CAMTA1: variants seen among roughly 807,000 people sequenced by gnomAD.
CAMTA1 encodes calmodulin-binding transcription activator 1.
Under a neutral mutation model 170.9 loss-of-function variants are expected in CAMTA1, and 27 were observed. The ratio of observed to expected loss-of-function variants is 0.16; its 90% CI spans 0.12 to 0.22. The LOEUF (loss-of-function observed/expected upper bound fraction) is 0.22. CAMTA1 is among the 10% of genes least tolerant of loss of function. The pLI is 1.00. For missense variants in CAMTA1, 1,619 were observed against 2,217.2 expected, an observed-to-expected ratio of 0.73 and a Z score of 5.42; for synonymous variants, 833 against 891.5, an observed-to-expected ratio of 0.93 and a Z score of 1.17.
intron 4 of CAMTA1, among the ~76,000 whole-genome samples, chr1:7,140,813 C>T (rs571295042): frequency 7.2e-5 from 11 of 152,216 alleles, no homozygotes; most frequent in African/African-American, 2.4e-4. Context: ...AACTTTATGT[C>T]GCTTGAAAAT....
At chr1:7,677,020 C>T (rs1259883395) in intron 10 of CAMTA1, among the ~76,000 whole-genome samples, 1 of 152,122 alleles carries the variant, frequency 6.6e-6, no homozygotes. Flanking sequence ...GCAACCTTCA[C>T]ATCAGCATCC....
Position 7,580,679 on chromosome 1 carries a change from C to T in CAMTA1, c.511-59721C>T. 6.6e-6 allele frequency among the ~76,000 whole-genome samples: 1 copy of T among 152,284 alleles called. No individual in the cohort carries two copies. The highest frequency in any genetic ancestry group is 2.1e-4 in the South Asian group (1 of 4,820). On this transcript the variant is annotated intron_variant, in intron 6 of 22. Coordinates refer to ENST00000303635, the MANE Select transcript of CAMTA1 (RefSeq NM_015215.4). The surrounding 1 kb of genome is among the most constrained non-coding windows in gnomAD (Gnocchi z 4.3). Reference sequence around the variant, plus strand: ...CCTGGGCACCTGGCCCCGAGGCTGGCTGTGCCCAGCACTGTGCAAAATCCC... The same window carrying T: ...CCTGGGCACCTGGCCCCGAGGCTGGTTGTGCCCAGCACTGTGCAAAATCCC...
intron 3 of CAMTA1, among the ~76,000 whole-genome samples, chr1:6,906,951 G>C (rs1678638842): frequency 6.6e-6 from 1 of 152,170 alleles, no homozygotes; most frequent in Non-Finnish European, 1.5e-5. Flanking sequence ...TGTAGAGGTG[G>C]GAGCTGTTGT....
intron 4 of CAMTA1, among the ~76,000 whole-genome samples, chr1:7,209,650 C>G (rs1013722602): frequency 6.6e-6 from 1 of 152,122 alleles, no homozygotes; most frequent in African/African-American, 2.4e-5. Flanking sequence ...CTCCACAGGT[C>G]GCAGTGGTTG....
At chr1:7,157,968 A>G (rs1259258047) in intron 4 of CAMTA1, among the ~76,000 whole-genome samples, 1 of 152,080 alleles carries the variant, frequency 6.6e-6, no homozygotes, top group Admixed American at 6.6e-5. Context: ...GACCATCCTG[A>G]CTAACACAGT....
At chr1:6,816,673 G>A (rs895489963) in intron 1 of CAMTA1, among the ~76,000 whole-genome samples, 2 of 152,212 alleles carry the variant, frequency 1.3e-5, no homozygotes, top group African/African-American at 4.8e-5. Flanking sequence ...TGTGGACACA[G>A]TGGCTCACTG....
intron 3 of CAMTA1, among the ~76,000 whole-genome samples, chr1:6,862,121 C>T (rs1664945287): frequency 6.6e-6 from 1 of 152,132 alleles, no homozygotes; most frequent in Non-Finnish European, 1.5e-5. Context: ...TGCCACAATG[C>T]CTGGCTACTT....
At chr1:6,818,246 A>C (rs1432756825) in intron 1 of CAMTA1, among the ~76,000 whole-genome samples, 1 of 152,188 alleles carries the variant, frequency 6.6e-6, no homozygotes, top group African/African-American at 2.4e-5. Context: ...CTGAGGCAGG[A>C]GAATCACTTG....
intron 3 of CAMTA1, among the ~76,000 whole-genome samples, chr1:6,876,285 T>C (rs979415815): frequency 1.3e-5 from 2 of 152,164 alleles, no homozygotes; most frequent in African/African-American, 2.4e-5. Context: ...GTCATCAGAC[T>C]GTGAGGTCCC....
intron 5 of CAMTA1, among the ~76,000 whole-genome samples, chr1:7,444,816 C>A (rs1198835290): frequency 2.0e-5 from 3 of 152,170 alleles, no homozygotes; most frequent in African/African-American, 7.2e-5. Flanking sequence ...ACAAAGAAAA[C>A]CAGACAACAC....
chr1:7,502,465 G>A (rs896736808), intron 6 of CAMTA1, among the ~76,000 whole-genome samples: 1 of 152,058 alleles, frequency 6.6e-6, no homozygotes, highest in African/African-American at 2.4e-5. Context: ...AATTCCAAGT[G>A]TTTGTTTGGT....
intron 7 of CAMTA1, among the ~76,000 whole-genome samples, chr1:7,655,093 CA>C (rs2095878813): frequency 7.1e-5 from 2 of 28,248 alleles, no homozygotes; most frequent in African/African-American, 3.3e-4. Flanking sequence ...CCCACCTATA[CA>C]CACACACCTA....
At chr1:6,785,665 G>T in intron 1 of CAMTA1, 90 bp downstream of exon 1, 1 of 530,866 alleles carries the variant, frequency 1.9e-6, no homozygotes, top group South Asian at 7.6e-5. Flanking sequence ...GCGGCGCCGG[G>T]CGGGAGCGCG....
At chr1:7,190,018 T>C (rs550100006) in intron 4 of CAMTA1, among the ~76,000 whole-genome samples, 1 of 152,240 alleles carries the variant, frequency 6.6e-6, no homozygotes, top group East Asian at 1.9e-4. Context: ...TTTTTCTAAG[T>C]GAAGTAACTC....
At chr1:7,504,493 C>T (rs576251516) in intron 6 of CAMTA1, among the ~76,000 whole-genome samples, 34 of 152,380 alleles carry the variant, frequency 2.2e-4, no homozygotes, top group African/African-American at 7.9e-4. Context: ...GTGGGCCTCA[C>T]AGGCCACCTG....
chr1:7,614,871 ATCAGGGCCCTTGCCCATCAGAT>A (rs2095548840), intron 6 of CAMTA1, among the ~76,000 whole-genome samples: 3 of 152,054 alleles, frequency 2.0e-5, no homozygotes, highest in Non-Finnish European at 4.4e-5. Flanking sequence ...CTTAACCTCC[ATCAGGGCCCTTGCCCATCAGAT>A]ACTGCTGGGG....
At chr1:7,323,507 C>CTTTTTTTTTTTTTTTTTTTT (rs56382342) in intron 5 of CAMTA1, among the ~76,000 whole-genome samples, 8 of 108,984 alleles carry the variant, frequency 7.3e-5, no homozygotes, top group African/African-American at 1.4e-4. Flanking sequence ...CTTTATTCTT[C>CTTTTTTTTTTTTTTTTTTTT]TTTTTTTTTT....
chr1:7,578,912 G>A (rs1257359120), intron 6 of CAMTA1, among the ~76,000 whole-genome samples: 2 of 152,310 alleles, frequency 1.3e-5, no homozygotes, highest in Non-Finnish European at 2.9e-5. Flanking sequence ...TAACACATGA[G>A]CTTTAGGGGA....
chr1:7,586,686 A>G (rs1576247597), intron 6 of CAMTA1, among the ~76,000 whole-genome samples: 1 of 152,124 alleles, frequency 6.6e-6, no homozygotes, highest in Non-Finnish European at 1.5e-5. Flanking sequence ...ACCAGCCGAC[A>G]CGGTCTCCTC....
Sources: allele counts gnomAD v4.1 joint callset (sites outside exome capture counted in the v4.1 genomes callset), GRCh38; gene constraint gnomAD v4.1.1; non-coding constraint Gnocchi (gnomAD v3.1); transcripts MANE v1.5; gene names NCBI Gene and HGNC (gene_info 2026-07-23, HGNC 2026-07-21).